The following LYPD6B variants were observed in gnomAD, a reference collection of about 807,000 sequenced individuals.
LYPD6B encodes the protein LY6/PLAUR domain containing 6B, also known as ly6/PLAUR domain-containing protein 6B.
A neutral mutation model predicts 22.8 loss-of-function variants in LYPD6B; 17 were observed. The observed-to-expected ratio is 0.75, with a 90% CI of 0.51 to 1.12. The LOEUF is 1.12. Ranked by LOEUF, LYPD6B falls within the 50% of genes most tolerant of loss-of-function variation. The pLI, the probability that LYPD6B is intolerant of heterozygous loss-of-function variation, is 0.00. For missense variants in LYPD6B, 221 were observed against 258.3 expected, an observed-to-expected ratio of 0.86 and a Z score of 0.99; for synonymous variants, 106 against 91.6, an observed-to-expected ratio of 1.16 and a Z score of -0.90.
At chr2:149,199,887 A>C (rs1693047654) in intron 3 of LYPD6B, among the ~76,000 whole-genome samples, 1 of 152,174 alleles carries the variant, frequency 6.6e-6, no homozygotes, top group African/African-American at 2.4e-5. Context: ...CCTGGTCTTG[A>C]CTAAGCCCCA....
At chr2:149,086,149 T>C (rs1685378586) in intron 1 of LYPD6B, among the ~76,000 whole-genome samples, 1 of 152,162 alleles carries the variant, frequency 6.6e-6, no homozygotes, top group South Asian at 2.1e-4. Context: ...TAGAATGTAC[T>C]CCCCCACTGC....
At chr2:149,148,027 G>A (rs937350188) in intron 2 of LYPD6B, among the ~76,000 whole-genome samples, 1 of 151,870 alleles carries the variant, frequency 6.6e-6, no homozygotes, top group Non-Finnish European at 1.5e-5. Context: ...CAAGATGGCT[G>A]TAGGAACAAG....
At chr2:149,141,301 A>G (rs908911161) in intron 2 of LYPD6B, among the ~76,000 whole-genome samples, 19 of 152,188 alleles carry the variant, frequency 1.2e-4, no homozygotes, top group African/African-American at 2.9e-4. Flanking sequence ...CAGGGCCACA[A>G]TTGTACTTGG....
At chr2:149,105,353 G>T (rs1469037576) in intron 1 of LYPD6B, among the ~76,000 whole-genome samples, 2 of 152,090 alleles carry the variant, frequency 1.3e-5, no homozygotes, top group Non-Finnish European at 2.9e-5. Context: ...AAAATAAAAA[G>T]CTCACTGGGA....
intron 1 of LYPD6B, among the ~76,000 whole-genome samples, chr2:149,121,317 G>T (rs1377339309): frequency 6.6e-6 from 1 of 152,116 alleles, no homozygotes; most frequent in Non-Finnish European, 1.5e-5. Context: ...GTTCGCTTTT[G>T]TTTTTTATGC....
At chr2:149,085,130 C>T (rs1685328045) in intron 1 of LYPD6B, among the ~76,000 whole-genome samples, 1 of 152,222 alleles carries the variant, frequency 6.6e-6, no homozygotes, top group Non-Finnish European at 1.5e-5. Flanking sequence ...GCTGATGTGT[C>T]ATACTCCCCA....
chr2:149,202,627 T>A (rs994514502), intron 3 of LYPD6B, among the ~76,000 whole-genome samples: 24 of 152,166 alleles, frequency 1.6e-4, no homozygotes, highest in African/African-American at 5.3e-4. Context: ...GCCTGTTTTC[T>A]CCCTCTAAAA....
At chr2:149,083,710 C>T (rs1022897426) in intron 1 of LYPD6B, among the ~76,000 whole-genome samples, 59 of 152,104 alleles carry the variant, frequency 3.9e-4, no homozygotes, top group Non-Finnish European at 5.9e-5. Context: ...CTGTGAAGTT[C>T]GTATGGCACG....
At chr2:149,120,024 G>A (rs894503913) in intron 1 of LYPD6B, among the ~76,000 whole-genome samples, 1 of 152,078 alleles carries the variant, frequency 6.6e-6, no homozygotes. Context: ...AAAAGGAATG[G>A]AGACTGAAGT....
At chr2:149,080,308 C>T (rs917620876) in intron 1 of LYPD6B, among the ~76,000 whole-genome samples, 4 of 152,152 alleles carry the variant, frequency 2.6e-5, no homozygotes, top group Middle Eastern at 3.2e-3. Flanking sequence ...GGCCACCAGT[C>T]GTGTTGGATC....
chr2:149,109,038 A>T (rs145018574), intron 1 of LYPD6B, among the ~76,000 whole-genome samples: 2 of 152,276 alleles, frequency 1.3e-5, no homozygotes, highest in Non-Finnish European at 2.9e-5. Context: ...CCCACAATAC[A>T]TTCTTGTTTT....
intron 1 of LYPD6B, among the ~76,000 whole-genome samples, chr2:149,091,562 C>T (rs569253263): frequency 2.6e-4 from 40 of 151,846 alleles, no homozygotes; most frequent in African/African-American, 9.6e-4. Context: ...AATCCAAGGA[C>T]AAAGTAATGA....
chr2:149,162,706 A>G (rs1393314767), intron 3 of LYPD6B, among the ~76,000 whole-genome samples: 1 of 152,180 alleles, frequency 6.6e-6, no homozygotes, highest in Non-Finnish European at 1.5e-5. Flanking sequence ...GTAGTCATGA[A>G]CACTTTAGTG....
chr2:149,178,567 A>G (rs953758067), intron 3 of LYPD6B, among the ~76,000 whole-genome samples: 2 of 152,232 alleles, frequency 1.3e-5, no homozygotes, highest in Admixed American at 6.5e-5. Flanking sequence ...GGGACTCTGC[A>G]TCTCCATCAA....
intron 1 of LYPD6B, among the ~76,000 whole-genome samples, chr2:149,122,023 C>T (rs1047835929): frequency 6.6e-5 from 10 of 152,212 alleles, no homozygotes; most frequent in Non-Finnish European, 1.3e-4. Flanking sequence ...CAGACCAAAA[C>T]AAACTATCAC....
At chr2:149,177,961 C>T (rs904449223) in intron 3 of LYPD6B, among the ~76,000 whole-genome samples, 9 of 151,194 alleles carry the variant, frequency 6.0e-5, no homozygotes, top group Non-Finnish European at 5.9e-5. Flanking sequence ...GTAATTTTCA[C>T]TGTATTTTTT....
rs145628448 is a variant in LYPD6B at position 149,146,907 on chromosome 2, A to G, written c.6-13857A>G. Among the ~76,000 whole-genome samples the G allele has an allele frequency of 4.0e-4, 61 of 152,330 alleles. 1 individual carries two copies. Among genetic ancestry groups the G allele is most frequent in the African/African-American group, 1.3e-3 (55 of 41,580 alleles). ...TTTTATTATTTTTTATTTCTTCACAACACTGTCAGGGCACAAGAAAGTCGA... is the reference window on the plus strand; with the variant it reads ...TTTTATTATTTTTTATTTCTTCACAGCACTGTCAGGGCACAAGAAAGTCGA... On this transcript the variant is annotated intron_variant, in intron 2 of 6. Transcript: ENST00000409642.
chr2:149,089,063 G>T (rs1242745163), intron 1 of LYPD6B, among the ~76,000 whole-genome samples: 2 of 152,166 alleles, frequency 1.3e-5, no homozygotes, highest in Non-Finnish European at 2.9e-5. Flanking sequence ...AGGATGAAAA[G>T]ATAGAATACA....
chr2:149,149,114 T>C (rs749429397), intron 2 of LYPD6B, among the ~76,000 whole-genome samples: 7 of 152,082 alleles, frequency 4.6e-5, no homozygotes, highest in Admixed American at 2.6e-4. Flanking sequence ...TCCAGGCATT[T>C]GGAGTTACGC....
Sources: gnomAD v4.1 joint callset for allele counts (sites outside exome capture counted in the v4.1 genomes callset) on GRCh38, gnomAD v4.1.1 for gene constraint, MANE v1.5 for transcripts, NCBI Gene and HGNC (gene_info 2026-07-23, HGNC 2026-07-21) for gene names.